SYBU: variants seen among roughly 807,000 people sequenced by gnomAD.
SYBU encodes the protein GOLSYN A protein.
SYBU carries 21 observed loss-of-function variants against 35.9 expected under a neutral mutation model. The observed-to-expected ratio is 0.58, with a 90% CI of 0.41 to 0.84. SYBU has a LOEUF of 0.84. SYBU is among the 40% of genes least tolerant of loss of function. The probability of loss-of-function intolerance (pLI) is 0.00; values close to 1 mark genes in which losing one functional copy is unlikely to be tolerated. For missense variants in SYBU, 768 were observed against 848.2 expected, an observed-to-expected ratio of 0.91 and a Z score of 1.17; for synonymous variants, 319 against 324.3, an observed-to-expected ratio of 0.98 and a Z score of 0.18.
At chr8:109,623,481 T>C (rs1812660437) in intron 2 of SYBU, among the ~76,000 whole-genome samples, 1 of 152,176 alleles carries the variant, frequency 6.6e-6, no homozygotes, top group Admixed American at 6.5e-5. Context: ...TAAAAATATA[T>C]GTCTATGGAA....
At chr8:109,673,064 T>C (rs1817047458) in intron 1 of SYBU, among the ~76,000 whole-genome samples, 1 of 152,138 alleles carries the variant, frequency 6.6e-6, no homozygotes, top group Admixed American at 6.5e-5. Flanking sequence ...CCCAACTCTC[T>C]CGGACAGAGC....
chr8:109,638,757 A>G (rs1183237530), intron 2 of SYBU, among the ~76,000 whole-genome samples: 1 of 152,208 alleles, frequency 6.6e-6, no homozygotes, highest in South Asian at 2.1e-4. Context: ...AAGACTGAGT[A>G]CAAACTGTGA....
intron 2 of SYBU, among the ~76,000 whole-genome samples, chr8:109,642,361 G>T (rs551019457): frequency 1.3e-5 from 2 of 152,222 alleles, no homozygotes; most frequent in South Asian, 4.1e-4. Context: ...GGGTTGATGG[G>T]TGCAGCAAAC....
Position 109,644,816 on chromosome 8 carries a change from T to G in SYBU, c.-157A>C, listed in dbSNP as rs950379410. On this transcript the variant is annotated 5_prime_UTR_variant, in exon 1 of 7. Coordinates refer to ENST00000276646, the MANE Select transcript of SYBU (RefSeq NM_001099754.2). ...GCGCCGCCGCCGCCACTGCCGCCGA[T>G]TGCTCTGGGCTCCGAGGGCACGCCC... 2 of 698,646 alleles carry G rather than the reference T, an allele frequency of 2.9e-6. No individual in the cohort carries two copies. The highest frequency in any genetic ancestry group is 4.2e-6 in the Non-Finnish European group (2 of 479,570). 43.3% of individuals were successfully genotyped at this position (698,646 alleles called of 1,614,324 possible).
At position 109,691,208 on chromosome 8, in the gene SYBU, T is replaced by C. The variant is rs1381950605; in HGVS notation, c.-58+125A>G. ...CCGAGCACCCTGGATACCTCCCGCA[T>C]TGGAAAGGGTGGTCCTGGGGTCCGG... On this transcript the variant is annotated intron_variant, in intron 1 of 7. Coordinates refer to the SYBU transcript ENST00000422135. The surrounding 1 kb of genome is among the most constrained non-coding windows in gnomAD (Gnocchi z 4.7). 1.6e-6 allele frequency: 1 copy of C among 610,044 alleles called. No homozygotes were observed. Among genetic ancestry groups the C allele is most frequent in the Non-Finnish European group, 2.9e-6 (1 of 339,308 alleles). 37.8% of individuals were successfully genotyped at this position (610,044 alleles called of 1,614,324 possible). A position where few individuals can be genotyped will look rare whatever the true frequency, so the allele number is the denominator to read the frequency against.
intron 1 of SYBU, among the ~76,000 whole-genome samples, chr8:109,659,690 A>C (rs911891050): frequency 3.9e-5 from 6 of 152,078 alleles, no homozygotes; most frequent in African/African-American, 9.7e-5. Flanking sequence ...GTTCCCTTCT[A>C]CTACTGTTTT....
At position 109,574,597 on chromosome 8, in the gene SYBU, T is replaced by G; in HGVS notation, c.*309A>C. 3.6e-6 allele frequency: 1 copy of G among 274,456 alleles called. No homozygotes were observed. The highest frequency in any genetic ancestry group is 6.8e-6 in the Non-Finnish European group (1 of 146,936). 17.0% of individuals were successfully genotyped at this position (274,456 alleles called of 1,614,324 possible). The stretch of plus-strand genomic sequence containing the variant: ...CATGCCAGCCTTAGAGAAGCTGTCT[T>G]GAAAGTGCAAACTGCGTTTTCTCTT... On this transcript the variant is annotated 3_prime_UTR_variant, in exon 7 of 7. Transcript: ENST00000276646.
intron 1 of SYBU, among the ~76,000 whole-genome samples, chr8:109,662,863 A>C (rs933173007): frequency 6.6e-6 from 1 of 152,104 alleles, no homozygotes; most frequent in Non-Finnish European, 1.5e-5. Context: ...TTTTATTCCC[A>C]ACCAGATCAT....
chr8:109,656,115 CA>C (rs57337373), intron 1 of SYBU, among the ~76,000 whole-genome samples: 14,561 of 143,908 alleles, frequency 0.1, 767 homozygotes, highest in South Asian at 0.23. Flanking sequence ...GACTCCGTCT[CA>C]AAAAAAAAAA....
At chr8:109,631,671 A>T (rs1813641444) in intron 2 of SYBU, among the ~76,000 whole-genome samples, 1 of 152,188 alleles carries the variant, frequency 6.6e-6, no homozygotes, top group South Asian at 2.1e-4. Context: ...ATGAGTAATG[A>T]ATCTACCTAG....
chr8:109,654,235 C>G (rs1586959941), intron 1 of SYBU, among the ~76,000 whole-genome samples: 1 of 152,252 alleles, frequency 6.6e-6, no homozygotes, highest in East Asian at 1.9e-4. Context: ...GAGTATATGT[C>G]TCACACTTCC....
At chr8:109,687,411 C>T (rs1310599094) in intron 1 of SYBU, among the ~76,000 whole-genome samples, 1 of 152,160 alleles carries the variant, frequency 6.6e-6, no homozygotes, top group Non-Finnish European at 1.5e-5. Context: ...AATCTCATCT[C>T]ATACAAATAG....
chr8:109,599,201 A>C (rs1825227167), intron 3 of SYBU, among the ~76,000 whole-genome samples: 1 of 152,248 alleles, frequency 6.6e-6, no homozygotes, highest in Non-Finnish European at 1.5e-5. Context: ...CTATACTAGC[A>C]AGGAGACTGC....
At chr8:109,586,022 T>C in intron 4 of SYBU, 38 bp downstream of exon 4, 2 of 1,475,076 alleles carry the variant, frequency 1.4e-6, no homozygotes, top group South Asian at 1.2e-5. Flanking sequence ...GTCACCTGTG[T>C]AAAGCGTCTT....
At chr8:109,663,770 A>G (rs1466596614) in intron 1 of SYBU, among the ~76,000 whole-genome samples, 2 of 152,132 alleles carry the variant, frequency 1.3e-5, no homozygotes, top group Non-Finnish European at 2.9e-5. Context: ...TGCCCACAAA[A>G]AACATGCCAG....
At chr8:109,658,261 G>T (rs929050286) in intron 1 of SYBU, among the ~76,000 whole-genome samples, 2 of 152,138 alleles carry the variant, frequency 1.3e-5, no homozygotes, top group African/African-American at 4.8e-5. Flanking sequence ...CTACTTTTAA[G>T]CTGAGGCACT....
At chr8:109,678,495 C>T (rs1817284579) in intron 1 of SYBU, among the ~76,000 whole-genome samples, 1 of 129,456 alleles carries the variant, frequency 7.7e-6, no homozygotes, top group African/African-American at 3.0e-5. Flanking sequence ...AGCTGGAATG[C>T]AGTGGCGTGA....
chr8:109,645,480 C>G (rs1815563347), upstream of SYBU: 1 of 369,732 alleles, frequency 2.7e-6, no homozygotes, highest in Admixed American at 3.5e-5. Context: ...CGCTGCCCTG[C>G]AGCTGCCCGG....
Position 109,644,658 on chromosome 8 carries a change from ATCGCGCCGCTGCCCGCCGGCTCC to A in SYBU, c.-22_1del, listed in dbSNP as rs1315200679. Reference sequence around the variant, plus strand: ...TACCTTGCTCTCGCGGAGGGGCCCCATCGCGCCGCTGCCCGCCGGCTCCTCGCGCCGCCGCTGCCGCCGTCCAG... The same window carrying A: ...TACCTTGCTCTCGCGGAGGGGCCCCATCGCGCCGCCGCTGCCGCCGTCCAG... On this transcript the variant is annotated start_lost and start_retained_variant and 5_prime_UTR_variant, in exon 1 of 7. Transcript: ENST00000276646. 7 of 1,523,560 alleles carry A rather than the reference ATCGCGCCGCTGCCCGCCGGCTCC, an allele frequency of 4.6e-6. No homozygotes were observed. Among genetic ancestry groups the A allele is most frequent in the East Asian group, 2.6e-5 (1 of 38,208 alleles). The allele number at this position is 1,523,560 out of a possible 1,614,324, so 94.4% of individuals were successfully genotyped here. A position where few individuals can be genotyped will look rare whatever the true frequency, so the allele number is the denominator to read the frequency against.
Sources: allele counts gnomAD v4.1 joint callset (sites outside exome capture counted in the v4.1 genomes callset), GRCh38; gene constraint gnomAD v4.1.1; non-coding constraint Gnocchi (gnomAD v3.1); transcripts MANE v1.5; gene names NCBI Gene and HGNC (gene_info 2026-07-23, HGNC 2026-07-21).